HDAC4: variants seen among roughly 807,000 people sequenced by gnomAD.
The protein encoded by HDAC4 is histone deacetylase 4.
In HDAC4, 16 loss-of-function variants were observed where a neutral mutation model predicts 135.1. The ratio of observed to expected loss-of-function variants is 0.12; its 90% CI spans 0.08 to 0.18. The LOEUF (loss-of-function observed/expected upper bound fraction) is 0.18, where lower values mean the gene tolerates loss of function less well. Ranked by LOEUF, HDAC4 falls within the 10% of genes least tolerant of loss-of-function variation. The probability of loss-of-function intolerance (pLI) is 1.00; values close to 1 mark genes in which losing one functional copy is unlikely to be tolerated. For synonymous variants in HDAC4, 685 were observed against 653.4 expected, an observed-to-expected ratio of 1.05 and a Z score of -0.74; for missense variants, 1,143 against 1,511.8, an observed-to-expected ratio of 0.76 and a Z score of 4.05.
rs540240527 is a variant in HDAC4 at position 239,060,122 on chromosome 2, C to T, written c.3004-5289G>A. ...TCAGCTCAGTGTGTCACATGGCACT[C>T]GGGGTACAAAATTCAGGACAGGCTG... On this transcript the variant is annotated intron_variant, in intron 24 of 26. Transcript: ENST00000543185. Among the ~76,000 whole-genome samples, 15 of 152,294 alleles carry T rather than the reference C, an allele frequency of 9.8e-5. No individual in the cohort carries two copies. In the East Asian group the frequency reaches 2.1e-3, roughly 22 times the overall value.
At position 239,299,540 on chromosome 2, in the gene HDAC4, C is replaced by T. The variant is rs1201655010; in HGVS notation, c.22+53138G>A. 1.3e-5 allele frequency among the ~76,000 whole-genome samples: 2 copies of T among 152,130 alleles called. No individual in the cohort carries two copies. Among genetic ancestry groups the T allele is most frequent in the African/African-American group, 2.4e-5 (1 of 41,420 alleles). ...TTATTACAGCTGTACAACTGTACAA[C>T]GGGAGGGCAGCGACACGTGCTTATT... On this transcript the variant is annotated intron_variant, in intron 2 of 26. Coordinates refer to ENST00000543185, the MANE Select transcript of HDAC4 (RefSeq NM_001378414.1). The surrounding 1 kb of genome is among the most constrained non-coding windows in gnomAD (Gnocchi z 4.0).
intron 13 of HDAC4, among the ~76,000 whole-genome samples, chr2:239,111,987 G>C (rs546696330): frequency 6.6e-6 from 1 of 152,286 alleles, no homozygotes; most frequent in East Asian, 1.9e-4. Context: ...TCCTGCCATG[G>C]GTTACGTTAA....
intron 19 of HDAC4, 65 bp downstream of exon 19, chr2:239,087,494 C>A: frequency 6.6e-7 from 1 of 1,506,690 alleles, no homozygotes; most frequent in Admixed American, 1.8e-5. Context: ...CACACCCACC[C>A]AGCCCTAAGG....
chr2:239,081,336 TATTC>T (rs1301477411), intron 21 of HDAC4, 144 bp from the exon 22 acceptor site: 2 of 719,134 alleles, frequency 2.8e-6, no homozygotes, highest in South Asian at 3.0e-5. Flanking sequence ...TCCTGGTGCA[TATTC>T]ATTAAGACGC....
intron 6 of HDAC4, among the ~76,000 whole-genome samples, chr2:239,162,987 G>A (rs1198957966): frequency 6.6e-6 from 1 of 152,010 alleles, no homozygotes; most frequent in African/African-American, 2.4e-5. Context: ...TGAACCTTGA[G>A]AGCAGCAGAA....
intron 2 of HDAC4, among the ~76,000 whole-genome samples, chr2:239,273,979 T>G (rs917782125): frequency 2.0e-5 from 3 of 152,228 alleles, no homozygotes; most frequent in African/African-American, 7.2e-5. Context: ...GCTGTGACAA[T>G]GGTATTAGGG....
intron 2 of HDAC4, among the ~76,000 whole-genome samples, chr2:239,286,850 A>G (rs2051166003): frequency 6.6e-6 from 1 of 152,226 alleles, no homozygotes; most frequent in Non-Finnish European, 1.5e-5. Context: ...TTTGCCTAAC[A>G]GTCACTCAGG....
At chr2:239,121,308 A>G (rs959145930) in intron 12 of HDAC4, among the ~76,000 whole-genome samples, 1 of 152,108 alleles carries the variant, frequency 6.6e-6, no homozygotes, top group Non-Finnish European at 1.5e-5. Context: ...GAAAATCTCA[A>G]ACGTCCTTCC....
intron 12 of HDAC4, among the ~76,000 whole-genome samples, chr2:239,121,445 G>A (rs367807371): frequency 1.2e-3 from 183 of 152,310 alleles, no homozygotes; most frequent in African/African-American, 4.0e-3. Flanking sequence ...TTCGGCAGCC[G>A]CGTCTACCGT....
At chr2:239,130,321 G>C (rs952940244) in intron 11 of HDAC4, among the ~76,000 whole-genome samples, 20 of 152,270 alleles carry the variant, frequency 1.3e-4, no homozygotes, top group African/African-American at 4.6e-4. Flanking sequence ...CCCTTCCTGG[G>C]ACTCGCTGTT....
At chr2:239,238,258 C>T (rs1035694613) in intron 2 of HDAC4, among the ~76,000 whole-genome samples, 2 of 152,000 alleles carry the variant, frequency 1.3e-5, no homozygotes, top group Admixed American at 1.3e-4. Context: ...TAAATAAATG[C>T]TCATTGTAGA....
chr2:239,381,704 T>G (rs1381603392), intron 1 of HDAC4, among the ~76,000 whole-genome samples: 1 of 152,210 alleles, frequency 6.6e-6, no homozygotes, highest in African/African-American at 2.4e-5. Flanking sequence ...CAATGACATT[T>G]GCGACGGACA....
At chr2:239,222,531 T>C (rs1402516781) in intron 3 of HDAC4, among the ~76,000 whole-genome samples, 2 of 43,256 alleles carry the variant, frequency 4.6e-5, no homozygotes, top group Non-Finnish European at 8.3e-5. Flanking sequence ...CCTTACCCCA[T>C]ACCAAAAAAA....
chr2:239,074,641 A>C (rs886599770), intron 22 of HDAC4, among the ~76,000 whole-genome samples: 12 of 152,230 alleles, frequency 7.9e-5, no homozygotes, highest in Non-Finnish European at 1.6e-4. Context: ...CTAGGTTGTG[A>C]TCCCAAACAC....
At chr2:239,232,474 C>CCCCCA in intron 3 of HDAC4, among the ~76,000 whole-genome samples, 1 of 152,214 alleles carries the variant, frequency 6.6e-6, no homozygotes, top group African/African-American at 2.4e-5. Flanking sequence ...CGAGCTCCCG[C>CCCCCA]CCCCACCCCA....
At position 239,050,526 on chromosome 2, in the gene HDAC4, A is replaced by AC. The variant is rs1359441211; in HGVS notation, c.*2570_*2571insG. 6.5e-6 allele frequency: 1 copy of AC among 152,672 alleles called. No individual in the cohort carries two copies. The highest frequency in any genetic ancestry group is 1.5e-5 in the Non-Finnish European group (1 of 68,112). 9.5% of individuals were successfully genotyped at this position (152,672 alleles called of 1,614,324 possible). On this transcript the variant is annotated 3_prime_UTR_variant, in exon 27 of 27. Coordinates refer to ENST00000543185, the MANE Select transcript of HDAC4 (RefSeq NM_001378414.1). ...AGTGGCCACCAGGGAGGGGAAAGTC[A>AC]AACAAGTCCCAAGACCGTTCTGCCT...
intron 1 of HDAC4, among the ~76,000 whole-genome samples, chr2:239,362,366 G>A (rs560552528): frequency 1.3e-5 from 2 of 152,306 alleles, no homozygotes; most frequent in East Asian, 3.9e-4. Flanking sequence ...CCGCAGCTTG[G>A]AAATTTTGAA....
At chr2:239,210,069 G>A (rs1369929025) in intron 3 of HDAC4, among the ~76,000 whole-genome samples, 6 of 152,156 alleles carry the variant, frequency 3.9e-5, no homozygotes, top group Admixed American at 1.3e-4. Context: ...TCTCGCTTTC[G>A]TGACCCAGCA....
chr2:239,101,689 G>T (rs1383968212), intron 16 of HDAC4, among the ~76,000 whole-genome samples: 3 of 152,138 alleles, frequency 2.0e-5, no homozygotes, highest in Admixed American at 1.3e-4. Context: ...TGGGAGGCAG[G>T]GAAAGACGTT....
Sources: gnomAD v4.1 joint callset for allele counts (sites outside exome capture counted in the v4.1 genomes callset) on GRCh38, gnomAD v4.1.1 for gene constraint, Gnocchi (gnomAD v3.1) non-coding constraint, MANE v1.5 for transcripts, NCBI Gene and HGNC (gene_info 2026-07-23, HGNC 2026-07-21) for gene names.